The following CUX2 variants were observed in gnomAD, a reference collection of about 807,000 sequenced individuals.
CUX2 encodes cut like homeobox 2, also known as homeobox protein cut-like 2.
Under a neutral mutation model 144.8 loss-of-function variants are expected in CUX2, and 40 were observed. The ratio of observed to expected loss-of-function variants is 0.28; its 90% CI spans 0.21 to 0.36. The LOEUF is 0.36. Among genes scored for constraint, CUX2 ranks in the 10% least tolerant of loss-of-function variants. CUX2 has a pLI of 1.00. For synonymous variants in CUX2, 827 were observed against 875.6 expected, an observed-to-expected ratio of 0.94 and a Z score of 0.98; for missense variants, 1,615 against 1,994.0, an observed-to-expected ratio of 0.81 and a Z score of 3.62.
At position 111,310,785 on chromosome 12, in the gene CUX2, A is replaced by G; in HGVS notation, c.1900+103A>G. 1.5e-6 allele frequency: 2 copies of G among 1,326,632 alleles called. No individual in the cohort carries two copies. Among genetic ancestry groups the G allele is most frequent in the Non-Finnish European group, 2.0e-6 (2 of 992,368 alleles). 82.2% of individuals were successfully genotyped at this position (1,326,632 alleles called of 1,614,324 possible). A position where few individuals can be genotyped will look rare whatever the true frequency, so the allele number is the denominator to read the frequency against. ...CGCTCTGGGTTCAAAGCCCAGCTCTACCACCACCTGGCTGTGTGACCCAGG... is the reference window on the plus strand; with the variant it reads ...CGCTCTGGGTTCAAAGCCCAGCTCTGCCACCACCTGGCTGTGTGACCCAGG... On this transcript the variant is annotated intron_variant, in intron 15 of 21. Transcript: ENST00000261726. The surrounding 1 kb of genome is among the most constrained non-coding windows in gnomAD (Gnocchi z 7.9).
chr12:111,347,342 T>C (rs1357854827), intron 21 of CUX2, among the ~76,000 whole-genome samples, 182 bp from the exon 22 acceptor site: 2 of 152,192 alleles, frequency 1.3e-5, no homozygotes, highest in Non-Finnish European at 2.9e-5. Flanking sequence ...GAAGTGGAGA[T>C]AATAATAGCG....
At chr12:111,050,865 G>T (rs2136011572) in intron 1 of CUX2, among the ~76,000 whole-genome samples, 1 of 152,304 alleles carries the variant, frequency 6.6e-6, no homozygotes, top group Non-Finnish European at 1.5e-5. Context: ...ATTTCTAGGG[G>T]ACGATGAAGA....
At chr12:111,148,487 A>G (rs1349180495) in intron 1 of CUX2, among the ~76,000 whole-genome samples, 5 of 152,230 alleles carry the variant, frequency 3.3e-5, no homozygotes. Context: ...ATTTAATGCC[A>G]CAGAACTGTA....
At chr12:111,079,749 G>A (rs566679050) in intron 1 of CUX2, among the ~76,000 whole-genome samples, 2 of 152,244 alleles carry the variant, frequency 1.3e-5, no homozygotes, top group African/African-American at 2.4e-5. Context: ...CAGCCTGTGC[G>A]TACACCTGTG....
intron 4 of CUX2, among the ~76,000 whole-genome samples, chr12:111,284,578 G>A (rs1339240482): frequency 2.0e-5 from 3 of 152,212 alleles, no homozygotes; most frequent in African/African-American, 7.2e-5. Context: ...AGTAACCTTG[G>A]TAGATGCAGT....
At chr12:111,269,332 G>A (rs1178400408) in intron 4 of CUX2, among the ~76,000 whole-genome samples, 2 of 152,170 alleles carry the variant, frequency 1.3e-5, no homozygotes, top group Non-Finnish European at 2.9e-5. Flanking sequence ...GGGAGGAAAG[G>A]TTATTGGAGC....
At chr12:111,262,571 G>A (rs1333943622) in intron 3 of CUX2, among the ~76,000 whole-genome samples, 1 of 151,824 alleles carries the variant, frequency 6.6e-6, no homozygotes, top group East Asian at 1.9e-4. Flanking sequence ...TAGAAACAGG[G>A]TCTCACTATG....
chr12:111,046,283 G>A (rs907294646), intron 1 of CUX2, among the ~76,000 whole-genome samples: 1 of 152,222 alleles, frequency 6.6e-6, no homozygotes, highest in African/African-American at 2.4e-5. Context: ...CTTGCGGAGA[G>A]ACCAGTGCAG....
intron 3 of CUX2, among the ~76,000 whole-genome samples, chr12:111,244,829 T>C (rs1482882557): frequency 6.6e-6 from 1 of 152,146 alleles, no homozygotes; most frequent in African/African-American, 2.4e-5. Context: ...ATGTCATTGG[T>C]CATTAATGAA....
chr12:111,211,426 G>T (rs1592843462), intron 1 of CUX2, among the ~76,000 whole-genome samples: 3 of 152,314 alleles, frequency 2.0e-5, no homozygotes. Flanking sequence ...AGGGAGTCAG[G>T]CATAATTGTC....
chr12:111,157,244 C>T (rs1877452389), intron 1 of CUX2, among the ~76,000 whole-genome samples: 1 of 147,946 alleles, frequency 6.8e-6, no homozygotes, highest in African/African-American at 2.5e-5. Flanking sequence ...GATTCTTAGA[C>T]TGCATTCTAG....
At chr12:111,157,713 G>A (rs1418958836) in intron 1 of CUX2, among the ~76,000 whole-genome samples, 2 of 152,258 alleles carry the variant, frequency 1.3e-5, no homozygotes, top group Admixed American at 6.5e-5. Context: ...GGAGGTGGCA[G>A]TGAGCATGCA....
intron 3 of CUX2, among the ~76,000 whole-genome samples, chr12:111,223,694 G>A (rs1881975475): frequency 6.6e-6 from 1 of 152,192 alleles, no homozygotes. Flanking sequence ...GTACCAGACT[G>A]GAGTCAGGGG....
At chr12:111,229,887 G>A (rs186082899) in intron 3 of CUX2, among the ~76,000 whole-genome samples, 20 of 151,976 alleles carry the variant, frequency 1.3e-4, no homozygotes, top group Admixed American at 4.6e-4. Context: ...GGTGGTGCAC[G>A]CCTGTAGTCC....
chr12:111,049,171 A>T (rs1870141827), intron 1 of CUX2, among the ~76,000 whole-genome samples: 1 of 151,948 alleles, frequency 6.6e-6, no homozygotes, highest in African/African-American at 2.4e-5. Context: ...CCATTCATGA[A>T]TTCATCCATC....
At chr12:111,195,566 G>A (rs1421465935) in intron 1 of CUX2, among the ~76,000 whole-genome samples, 2 of 152,190 alleles carry the variant, frequency 1.3e-5, no homozygotes, top group Non-Finnish European at 2.9e-5. Flanking sequence ...GCATCTTGTG[G>A]ACTGACAGAC....
intron 1 of CUX2, among the ~76,000 whole-genome samples, chr12:111,094,150 C>A (rs1872689938): frequency 6.6e-6 from 1 of 152,228 alleles, no homozygotes; most frequent in Non-Finnish European, 1.5e-5. Flanking sequence ...TTAGAGGAAG[C>A]TTTATAACCT....
intron 18 of CUX2, among the ~76,000 whole-genome samples, chr12:111,325,638 G>T (rs1167955350): frequency 2.8e-5 from 4 of 142,452 alleles, no homozygotes; most frequent in Non-Finnish European, 4.5e-5. Context: ...GGGGAGGGGT[G>T]GGTTTTGTTT....
At chr12:111,149,606 T>C (rs576740022) in intron 1 of CUX2, among the ~76,000 whole-genome samples, 1 of 152,292 alleles carries the variant, frequency 6.6e-6, no homozygotes, top group Admixed American at 6.5e-5. Flanking sequence ...ACCCCTGCTT[T>C]AACGGGGGCT....
Sources: allele counts gnomAD v4.1 joint callset (sites outside exome capture counted in the v4.1 genomes callset), GRCh38; gene constraint gnomAD v4.1.1; non-coding constraint Gnocchi (gnomAD v3.1); transcripts MANE v1.5; gene names NCBI Gene and HGNC (gene_info 2026-07-23, HGNC 2026-07-21).